The following ZNG1E variants were observed in gnomAD, a reference collection of about 807,000 sequenced individuals.
ZNG1E encodes Zn regulated GTPase metalloprotein activator 1E.
the ZNG1E span, among the ~76,000 whole-genome samples, chr9:65,698,920 G>A: frequency 1.4e-5 from 2 of 142,790 alleles, no homozygotes; most frequent in African/African-American, 5.3e-5. Flanking sequence ...TATTTTTTGA[G>A]ACAGAATCTC....
At chr9:65,734,041 ATTGATG>A in the ZNG1E span, 1 of 178,764 alleles carries the variant, frequency 5.6e-6, no homozygotes, top group African/African-American at 2.5e-5. Context: ...TATGACTGTT[ATTGATG>A]TTGATGTTGA....
At chr9:65,659,687 C>A in the ZNG1E span, among the ~76,000 whole-genome samples, 1 of 152,284 alleles carries the variant, frequency 6.6e-6, no homozygotes, top group South Asian at 2.1e-4. Flanking sequence ...TAGTCTGAGA[C>A]AATTAAGAGT....
the ZNG1E span, among the ~76,000 whole-genome samples, chr9:65,665,506 G>T: frequency 6.6e-6 from 1 of 152,190 alleles, no homozygotes; most frequent in Non-Finnish European, 1.5e-5. Flanking sequence ...GTAGGGGTGG[G>T]TCCCTCATGG....
the ZNG1E span, among the ~76,000 whole-genome samples, chr9:65,661,996 G>T: frequency 6.6e-6 from 1 of 152,258 alleles, no homozygotes; most frequent in East Asian, 1.9e-4. Flanking sequence ...TAGTTTCAAA[G>T]TATCTCCCCA....
At chr9:65,661,989 T>C in the ZNG1E span, among the ~76,000 whole-genome samples, 388 of 150,670 alleles carry the variant, frequency 2.6e-3, no homozygotes, top group African/African-American at 9.0e-3. Context: ...ATTTACATAG[T>C]TTCAAAGTAT....
the ZNG1E span, among the ~76,000 whole-genome samples, chr9:65,696,515 CTG>C: frequency 2.2e-4 from 3 of 13,362 alleles, no homozygotes; most frequent in East Asian, 3.8e-3. Flanking sequence ...AAAAACAAAT[CTG>C]TAATTCTTCT....
the ZNG1E span, chr9:65,732,741 G>A: frequency 7.3e-7 from 1 of 1,376,236 alleles, no homozygotes; most frequent in Non-Finnish European, 9.3e-7. Flanking sequence ...CCTAATATAT[G>A]TATTAACTTT....
chr9:65,683,578 AC>A, the ZNG1E span, among the ~76,000 whole-genome samples: 1 of 151,668 alleles, frequency 6.6e-6, no homozygotes, highest in Non-Finnish European at 1.5e-5. Context: ...TGTGAATCTG[AC>A]CCATACCATT....
chr9:65,661,707 T>C, the ZNG1E span, among the ~76,000 whole-genome samples: 1 of 152,312 alleles, frequency 6.6e-6, no homozygotes, highest in African/African-American at 2.4e-5. Flanking sequence ...ATTCAGTGTA[T>C]TGTATAAACA....
chr9:65,680,575 T>C, the ZNG1E span, among the ~76,000 whole-genome samples: 3 of 152,340 alleles, frequency 2.0e-5, no homozygotes, highest in East Asian at 5.8e-4. Context: ...AATACCTAGC[T>C]GAAATATAAA....
the ZNG1E span, chr9:65,706,724 TTTG>T: frequency 7.2e-6 from 1 of 138,790 alleles, no homozygotes; most frequent in African/African-American, 2.8e-5. Context: ...AAGAGTGTAA[TTTG>T]TTGTACAGGT....
the ZNG1E span, chr9:65,719,339 C>T: frequency 1.5e-5 from 2 of 136,866 alleles, 1 homozygote; most frequent in Admixed American, 1.5e-4. Context: ...ACTAATTTAC[C>T]CCTCACTGTT....
At chr9:65,663,822 T>C in the ZNG1E span, among the ~76,000 whole-genome samples, 1 of 146,446 alleles carries the variant, frequency 6.8e-6, no homozygotes, top group Non-Finnish European at 1.5e-5. Context: ...AGTAATAGGA[T>C]GCAAAGTTTT....
At chr9:65,664,608 G>A in the ZNG1E span, among the ~76,000 whole-genome samples, 2 of 143,080 alleles carry the variant, frequency 1.4e-5, no homozygotes, top group South Asian at 2.4e-4. Context: ...AAACAATACA[G>A]TAAATTGGTA....
At chr9:65,659,494 C>CAAAA in the ZNG1E span, among the ~76,000 whole-genome samples, 758 of 113,556 alleles carry the variant, frequency 6.7e-3, 1 homozygote, top group African/African-American at 0.023. Context: ...GACTCCGTCT[C>CAAAA]AAAAAAAAAA....
the ZNG1E span, among the ~76,000 whole-genome samples, chr9:65,731,093 A>AT: frequency 8.4e-3 from 1,217 of 145,224 alleles, no homozygotes; most frequent in East Asian, 0.011. Flanking sequence ...TTTCTTTTGT[A>AT]TTTTTTTTTT....
the ZNG1E span, among the ~76,000 whole-genome samples, chr9:65,685,086 A>G: frequency 6.6e-6 from 1 of 151,682 alleles, no homozygotes; most frequent in Non-Finnish European, 1.5e-5. Context: ...TTTATACTAT[A>G]CTGTAGTCTA....
At chr9:65,710,595 C>A in the ZNG1E span, among the ~76,000 whole-genome samples, 4 of 152,210 alleles carry the variant, frequency 2.6e-5, no homozygotes, top group East Asian at 7.7e-4. Context: ...TTCCCAGAAC[C>A]ATTTATTAAA....
chr9:65,710,661 T>C, the ZNG1E span, among the ~76,000 whole-genome samples: 1 of 151,684 alleles, frequency 6.6e-6, no homozygotes, highest in African/African-American at 2.4e-5. Context: ...GATCAGATAG[T>C]TGTAGATATG....
Sources: gnomAD v4.1 joint callset for allele counts (sites outside exome capture counted in the v4.1 genomes callset) on GRCh38, gnomAD v4.1.1 for gene constraint, MANE v1.5 for transcripts, NCBI Gene and HGNC (gene_info 2026-07-23, HGNC 2026-07-21) for gene names.